USP9X: variants seen among roughly 807,000 people sequenced by gnomAD.
USP9X encodes ubiquitin specific peptidase 9 X-linked.
Under a neutral mutation model 190.3 loss-of-function variants are expected in USP9X, and 7 were observed. That is an observed-to-expected ratio of 0.04 (90% CI 0.02 to 0.07). The LOEUF (loss-of-function observed/expected upper bound fraction) is 0.07, where lower values mean the gene tolerates loss of function less well. Ranked by LOEUF, USP9X falls within the 10% of genes least tolerant of loss-of-function variation. The pLI is 1.00. For synonymous variants in USP9X, 645 were observed against 659.5 expected (o/e 0.98, Z 0.34); for missense variants, 1,010 against 1,916.9 (o/e 0.53, Z 8.83).
At chrX:41,091,690 A>G (rs1385043603) in intron 1 of USP9X, among the ~76,000 whole-genome samples, 3 of 111,907 alleles carry the variant, frequency 2.7e-5, no homozygotes, top group Non-Finnish European at 1.9e-5. Context: ...AAATCCTGGA[A>G]GAGATCTCAA....
chrX:41,131,408 CT>C (rs1388025309), intron 3 of USP9X, 48 bp from the exon 4 acceptor site: 2 of 1,060,259 alleles, frequency 1.9e-6, no homozygotes, highest in East Asian at 3.1e-5. Context: ...TGTAGTGCCT[CT>C]TTTAGTGTAC....
At chrX:41,191,469 A>C (rs1420921083) in intron 26 of USP9X, among the ~76,000 whole-genome samples, 4 of 111,826 alleles carry the variant, frequency 3.6e-5, no homozygotes, top group Non-Finnish European at 7.5e-5. Context: ...ATAGTTATTT[A>C]CAAGGTACTT....
chrX:41,108,042 C>G, intron 1 of USP9X, among the ~76,000 whole-genome samples: 1 of 112,057 alleles, frequency 8.9e-6, no homozygotes, highest in Middle Eastern at 4.7e-3. Context: ...CTGTGCATGT[C>G]TTAAATTTTT....
chrX:41,200,923 A>G (rs1258222792), intron 30 of USP9X, 137 bp from the exon 31 acceptor site: 5 of 594,798 alleles, frequency 8.4e-6, no homozygotes, highest in Non-Finnish European at 1.1e-5. Context: ...GCAAACTCAG[A>G]ACACTGCTTC....
At chrX:41,131,054 G>A (rs1025600458) in intron 3 of USP9X, among the ~76,000 whole-genome samples, 1 of 110,500 alleles carries the variant, frequency 9.0e-6, no homozygotes, top group Non-Finnish European at 1.9e-5. Flanking sequence ...AAAAAAAAAG[G>A]GGGGTGGCGG....
In USP9X at chrX:41,085,566, C is replaced by G. The variant is rs1210544551; in HGVS notation, c.-702C>G. The G allele has an allele frequency of 7.9e-6, 2 of 254,174 alleles. No homozygotes were observed. The highest frequency in any genetic ancestry group is 1.4e-5 in the Non-Finnish European group (2 of 143,481). 20.9% of individuals were successfully genotyped at this position (254,174 alleles called of 1,213,427 possible). ...CCGTCAGGGCCTCTGTCGCGCCTAG[C>G]CCCTCCCCGCCTTACACAGCTCCCG... is the stretch of plus-strand genomic sequence containing the variant. On this transcript the variant is annotated 5_prime_UTR_variant, in exon 1 of 45. Coordinates refer to ENST00000378308, the MANE Select transcript of USP9X (RefSeq NM_001039591.3).
intron 15 of USP9X, among the ~76,000 whole-genome samples, chrX:41,164,614 T>C (rs2062663086): frequency 8.9e-6 from 1 of 112,283 alleles, no homozygotes; most frequent in Non-Finnish European, 1.9e-5. Context: ...AACCTGACTT[T>C]AATGCCTGCT....
chrX:41,149,762 G>A (rs749983344), intron 12 of USP9X, among the ~76,000 whole-genome samples: 9 of 109,209 alleles, frequency 8.2e-5, no homozygotes, highest in African/African-American at 2.3e-4. Context: ...GGAGTACAGT[G>A]GCGCAATCTC....
chrX:41,094,995 G>A (rs1001531012), intron 1 of USP9X, among the ~76,000 whole-genome samples: 11 of 108,832 alleles, frequency 1.0e-4, no homozygotes, highest in Admixed American at 6.8e-4. Flanking sequence ...AGCCCAGATC[G>A]CGGTACTGCA....
rs775136774 is a variant in USP9X, at chrX:41,154,567, A to G, written c.1897+1486A>G. Among the ~76,000 whole-genome samples the G allele has an allele frequency of 1.9e-4, 21 of 111,800 alleles. 1 individual carries two copies. The Middle Eastern group carries it at 0.028, about 147-fold the overall frequency. ...GTTTTTTCTGCTACATTTTAGTACA[A>G]TTCTACTTGAGTTACCGCCTCATCT... On this transcript the variant is annotated intron_variant, in intron 14 of 44. Transcript: ENST00000378308.
At chrX:41,112,126 T>TCAGCCACTGCGCC (rs2035319018) in intron 1 of USP9X, among the ~76,000 whole-genome samples, 1 of 112,576 alleles carries the variant, frequency 8.9e-6, no homozygotes, top group African/African-American at 3.2e-5. Context: ...ATTACAGGCG[T>TCAGCCACTGCGCC]CAGCCACTGC....
At position 41,142,623 on chromosome X, in the gene USP9X, C is replaced by G. The variant is rs140516370; in HGVS notation, c.1162-668C>G. Among the ~76,000 whole-genome samples the G allele has an allele frequency of 3.6e-3, 401 of 112,110 alleles. 2 individuals are homozygous for G. Among genetic ancestry groups the G allele is most frequent in the Admixed American group, 9.5e-3 (100 of 10,566 alleles). ...ACTACTTTTTATTCTCAGCTAAATA[C>G]TGCAAAATCATATAGTGTGGATTAC... On this transcript the variant is annotated intron_variant, in intron 9 of 44. Coordinates refer to ENST00000378308, the MANE Select transcript of USP9X (RefSeq NM_001039591.3).
chrX:41,202,276 T>A (rs2063050196), intron 31 of USP9X, among the ~76,000 whole-genome samples: 1 of 111,944 alleles, frequency 8.9e-6, no homozygotes. Context: ...TTAGGCTGCC[T>A]ACTGAGTATC....
chrX:41,144,488 T>C, intron 10 of USP9X, 34 bp from the exon 11 acceptor site: 1 of 1,087,882 alleles, frequency 9.2e-7, no homozygotes. Context: ...CTCAGATTCT[T>C]GTGCATTGTG....
At chrX:41,134,377 T>C (rs923481560) in intron 4 of USP9X, among the ~76,000 whole-genome samples, 2 of 112,276 alleles carry the variant, frequency 1.8e-5, no homozygotes, top group African/African-American at 6.5e-5. Context: ...CACAGAATAG[T>C]ATAAGGATAT....
chrX:41,143,411 T>G lies in USP9X; in HGVS notation c.1282T>G (p.Leu428Val), dbSNP rs2062438835. 8.3e-7 allele frequency: 1 copy of G among 1,204,083 alleles called. No individual in the cohort carries two copies. The highest frequency in any genetic ancestry group is 1.1e-6 in the Non-Finnish European group (1 of 891,939). ...TGTCATCAAAGAAAAAGCTCTGACCTTACAGGATCTTGATAATATCTGGGC... is the reference window on the plus strand; with the variant it reads ...TGTCATCAAAGAAAAAGCTCTGACCGTACAGGATCTTGATAATATCTGGGC... ...RFVIKEKALTLQDLDNIWAAQ... is the reference protein window; with the variant it reads ...RFVIKEKALTVQDLDNIWAAQ... The change falls in exon 10 of 45, where the codon TTA (leucine) becomes GTA (valine). Residue 428 changes from leucine (L) to valine (V), a missense_variant. Physicochemically the swap from Leu to Val is conservative, Grantham distance 32. Transcript: ENST00000378308.
chrX:41,134,594 T>C (rs1272223249), intron 4 of USP9X, 131 bp from the exon 5 acceptor site: 4 of 479,617 alleles, frequency 8.3e-6, no homozygotes, highest in African/African-American at 2.4e-5. Context: ...TAATCTACTT[T>C]TATGCAATTA....
chrX:41,131,419 C>T (rs2062315727), intron 3 of USP9X, 38 bp from the exon 4 acceptor site: 4 of 1,145,582 alleles, frequency 3.5e-6, no homozygotes, highest in Non-Finnish European at 4.7e-6. Context: ...TTTTAGTGTA[C>T]AACCATTAAG....
intron 21 of USP9X, among the ~76,000 whole-genome samples, chrX:41,172,619 A>G (rs769692981): frequency 1.8e-4 from 20 of 112,206 alleles, no homozygotes; most frequent in Admixed American, 4.7e-4. Flanking sequence ...TTCAACATCT[A>G]CGTTTCCAAG....
Sources: gnomAD v4.1 joint callset for allele counts (sites outside exome capture counted in the v4.1 genomes callset) on GRCh38, gnomAD v4.1.1 for gene constraint, MANE v1.5 for transcripts, NCBI Gene and HGNC (gene_info 2026-07-23, HGNC 2026-07-21) for gene names.